The following VPS16 variants were observed in gnomAD, a reference collection of about 807,000 sequenced individuals.
The protein encoded by VPS16 is vacuolar protein sorting-associated protein 16 homolog.
A neutral mutation model predicts 116.0 loss-of-function variants in VPS16; 82 were observed. The ratio of observed to expected loss-of-function variants is 0.71; its 90% CI spans 0.59 to 0.85. The LOEUF is 0.85. VPS16 is among the 40% of genes least tolerant of loss of function. The probability of loss-of-function intolerance (pLI) is 0.00; values close to 1 mark genes in which losing one functional copy is unlikely to be tolerated. For synonymous variants in VPS16, 406 were observed against 420.7 expected, an observed-to-expected ratio of 0.96 and a Z score of 0.43; for missense variants, 928 against 1,090.6, an observed-to-expected ratio of 0.85 and a Z score of 2.10.
chr20:2,854,401 C>T (rs2089151875), intron 1 of VPS16, among the ~76,000 whole-genome samples: 1 of 151,696 alleles, frequency 6.6e-6, no homozygotes. Context: ...TGCACTCCAT[C>T]CTGGGCAACA....
chr20:2,840,835 G>GCGCC lies in VPS16; in HGVS notation c.53+9_53+10insGCCC. The GCGCC allele has an allele frequency of 2.5e-5, 38 of 1,523,730 alleles. No individual in the cohort carries two copies. Among genetic ancestry groups the GCGCC allele is most frequent in the Non-Finnish European group, 2.7e-5 (30 of 1,127,526 alleles). 94.4% of individuals were successfully genotyped at this position (1,523,730 alleles called of 1,614,324 possible). The stretch of plus-strand genomic sequence containing the variant: ...GGACTCTGCCTTTTACCGGTGAGCT[G>GCGCC]CCCCGCCCTCCCGCCCACGGCCTGG... On this transcript the variant is annotated intron_variant, in intron 1 of 23. Transcript: ENST00000380445.
At position 2,861,663 on chromosome 20, in the gene VPS16, A is replaced by G; in HGVS notation, c.858A>G (p.Glu286=). The G allele has an allele frequency of 6.2e-7, 1 of 1,613,300 alleles. No individual in the cohort carries two copies. Among genetic ancestry groups the G allele is most frequent in the Non-Finnish European group, 8.5e-7 (1 of 1,179,912 alleles). The change falls in exon 9 of 24, where the codon GAA becomes GAG. Residue 286 remains glutamate (E), a synonymous_variant. Transcript: ENST00000380445. ...AGAGGGCCGTGGTGGTGGCCTGGGA[A>G]AGGCGGCTGATGGTGGTGGGCGATG... ...SKERAVVVAW[E]RRLMVVGDAP...
rs780645285 is a variant in VPS16, at chr20:2,864,521, G to C, written c.1819-26G>C. On this transcript the variant is annotated intron_variant, in intron 18 of 23. Transcript: ENST00000380445. This position sits in a 1 kb window ranked among gnomAD's most constrained non-coding sequence, Gnocchi z 5.2. ...TCTGAGCACTTGAGTTGGCCTTGCTGACTGATTGCCTGCCTGTGGCCCCAG... is the reference window on the plus strand; with the variant it reads ...TCTGAGCACTTGAGTTGGCCTTGCTCACTGATTGCCTGCCTGTGGCCCCAG... 1.2e-6 allele frequency: 2 copies of C among 1,613,968 alleles called. No homozygotes were observed. The highest frequency in any genetic ancestry group is 2.7e-5 in the African/African-American group (2 of 74,914).
At chr20:2,850,805 A>C (rs1347427023) in intron 1 of VPS16, among the ~76,000 whole-genome samples, 1 of 75,730 alleles carries the variant, frequency 1.3e-5, no homozygotes, top group African/African-American at 4.4e-5. Context: ...CCATCTCTAC[A>C]AAAAAAAAAC....
intron 1 of VPS16, among the ~76,000 whole-genome samples, chr20:2,847,566 C>T (rs535535551): frequency 1.3e-5 from 2 of 151,798 alleles, no homozygotes; most frequent in South Asian, 2.1e-4. Flanking sequence ...GCAACCTCTG[C>T]CTTCCGGGTT....
At position 2,860,573 on chromosome 20, in the gene VPS16, G is replaced by A. The variant is rs775615420; in HGVS notation, c.494G>A (p.Arg165His). Residue 165 changes from arginine to histidine, a missense_variant, in exon 5 of 24, where the codon CGC becomes CAC. Physicochemically the swap from Arg to His is conservative, Grantham distance 29. Transcript: ENST00000380445. This position sits in a 1 kb window ranked among gnomAD's most constrained non-coding sequence, Gnocchi z 6.1. ...LSANVGDLKLRRMPEVPGLQS... is the reference protein window; with the variant it reads ...LSANVGDLKLHRMPEVPGLQS... ...GCCAATGTGGGTGACCTCAAACTCC[G>A]CCGGATGCCAGAGGTGCCAGGTAAG... 11 of 1,613,638 alleles carry A rather than the reference G, an allele frequency of 6.8e-6. No homozygotes were observed. The highest frequency in any genetic ancestry group is 6.7e-5 in the African/African-American group (5 of 74,890).
Position 2,863,812 on chromosome 20 carries a change from AAGAAGAAAGAG to A in VPS16, c.1477-132_1477-122del, listed in dbSNP as rs1263821653. The A allele has an allele frequency of 8.1e-6, 10 of 1,227,040 alleles. No individual in the cohort carries two copies. In the African/African-American group the frequency reaches 1.5e-4, roughly 19 times the overall value. 76.0% of individuals were successfully genotyped at this position (1,227,040 alleles called of 1,614,324 possible). A position where few individuals can be genotyped will look rare whatever the true frequency, so the allele number is the denominator to read the frequency against. ...GCGGAGGAGGAGGGAAAGAGAGAGAAAGAAGAAAGAGAGAAAGAAAGAAAGAAGAAGGAAGG... is the reference window on the plus strand; with the variant it reads ...GCGGAGGAGGAGGGAAAGAGAGAGAAAGAAAGAAAGAAAGAAGAAGGAAGG... On this transcript the variant is annotated intron_variant, in intron 15 of 23. Coordinates refer to ENST00000380445, the MANE Select transcript of VPS16 (RefSeq NM_022575.4). The surrounding 1 kb of genome is among the most constrained non-coding windows in gnomAD (Gnocchi z 4.4).
At chr20:2,842,381 C>T (rs1210488442) in intron 1 of VPS16, among the ~76,000 whole-genome samples, 1 of 151,844 alleles carries the variant, frequency 6.6e-6, no homozygotes, top group Non-Finnish European at 1.5e-5. Context: ...TTTGGGAGGC[C>T]AAGGTGGGTG....
At chr20:2,846,626 C>T (rs1465179475) in intron 1 of VPS16, among the ~76,000 whole-genome samples, 2 of 152,194 alleles carry the variant, frequency 1.3e-5, no homozygotes, top group Middle Eastern at 3.4e-3. Context: ...CTCTTTAGGG[C>T]CTGGGATTTG....
chr20:2,860,955 C>T lies in VPS16; in HGVS notation c.631-15C>T, dbSNP rs776955740. 5 of 1,614,118 alleles carry T rather than the reference C, an allele frequency of 3.1e-6. No individual in the cohort carries two copies. The highest frequency in any genetic ancestry group is 4.2e-6 in the Non-Finnish European group (5 of 1,180,034). On this transcript the variant is annotated splice_polypyrimidine_tract_variant and intron_variant, in intron 6 of 23. Coordinates refer to ENST00000380445, the MANE Select transcript of VPS16 (RefSeq NM_022575.4). This position sits in a 1 kb window ranked among gnomAD's most constrained non-coding sequence, Gnocchi z 6.1. The stretch of plus-strand genomic sequence containing the variant: ...AGTATGTATCTGTCCCACCCCTACC[C>T]TGGCTCTGCCTCAGACGCCCCCTGG...
chr20:2,840,912 C>G, intron 1 of VPS16, 85 bp downstream of exon 1: 9 of 1,309,426 alleles, frequency 6.9e-6, no homozygotes, highest in Non-Finnish European at 9.4e-6. Context: ...TCGCCCCTGT[C>G]ACTACTGGCG....
rs1263174585 is a variant in VPS16, at chr20:2,863,619, G to C, written c.1476+221G>C. On this transcript the variant is annotated intron_variant, in intron 15 of 23. Coordinates refer to ENST00000380445, the MANE Select transcript of VPS16 (RefSeq NM_022575.4). The surrounding 1 kb of genome is among the most constrained non-coding windows in gnomAD (Gnocchi z 4.4). ...CTCTACTAAAAATACAAAATTAGCC[G>C]GGCACGGTGGCGCATGCCTGTAATC... Among the ~76,000 whole-genome samples the C allele has an allele frequency of 1.3e-5, 2 of 152,212 alleles. No individual in the cohort carries two copies. The highest frequency in any genetic ancestry group is 4.2e-4 in the South Asian group (2 of 4,818).
At chr20:2,866,352 G>A (rs375802812) in intron 23 of VPS16, 37 bp downstream of exon 23, 5 of 1,613,990 alleles carry the variant, frequency 3.1e-6, no homozygotes, top group African/African-American at 1.3e-5. Flanking sequence ...CTGGGTGGCT[G>A]AGCTGTGGGC....
intron 1 of VPS16, among the ~76,000 whole-genome samples, chr20:2,852,818 A>T (rs2146653948): frequency 6.6e-6 from 1 of 152,332 alleles, no homozygotes; most frequent in African/African-American, 2.4e-5. Context: ...AGTGATGATG[A>T]CTACTAATTA....
chr20:2,866,394 G>A (rs2089346431), intron 23 of VPS16, 36 bp from the exon 24 acceptor site: 4 of 1,614,082 alleles, frequency 2.5e-6, no homozygotes, highest in Non-Finnish European at 2.5e-6. Flanking sequence ...CCCTTGAGCA[G>A]CCCCAACACC....
At chr20:2,849,138 C>A (rs143958537) in intron 1 of VPS16, among the ~76,000 whole-genome samples, 53 of 152,226 alleles carry the variant, frequency 3.5e-4, no homozygotes, top group Non-Finnish European at 6.3e-4. Flanking sequence ...AACCAGATAT[C>A]CCTCTTCCAA....
Position 2,863,019 on chromosome 20 carries a change from A to G in VPS16, c.1332-46A>G, listed in dbSNP as rs1325206335. The stretch of plus-strand genomic sequence containing the variant: ...GAGATGCGTCTGCAGGTACCTGGCA[A>G]GCGGGGCTTATTCTCCAACTGGATC... On this transcript the variant is annotated intron_variant, in intron 13 of 23. Transcript: ENST00000380445. This position sits in a 1 kb window ranked among gnomAD's most constrained non-coding sequence, Gnocchi z 4.4. The G allele has an allele frequency of 2.5e-6, 4 of 1,614,000 alleles. No homozygotes were observed. The highest frequency in any genetic ancestry group is 3.3e-4 in the Middle Eastern group (2 of 6,084).
chr20:2,866,549 C>G lies in VPS16; in HGVS notation c.2495C>G (p.Ala832Gly). Residue 832 changes from alanine (A) to glycine (G), a missense_variant, in exon 24 of 24, where the codon GCC (alanine) becomes GGC (glycine). By Grantham distance (60) the Ala-to-Gly change is moderately conservative (BLOSUM62 0). Transcript: ENST00000380445. Reference sequence around the variant, plus strand: ...GCCACAGCTGACAAGATTCAACGGGCCAGGGCACAAGCCCAGAAGAAGTGA... The same window carrying G: ...GCCACAGCTGACAAGATTCAACGGGGCAGGGCACAAGCCCAGAAGAAGTGA... ...DGATADKIQR[A>G]RAQAQKK 6.2e-7 allele frequency: 1 copy of G among 1,614,148 alleles called. No homozygotes were observed. The highest frequency in any genetic ancestry group is 8.5e-7 in the Non-Finnish European group (1 of 1,180,016).
chr20:2,859,582 C>CCCTCCCTACCT (rs878886002), intron 1 of VPS16, 137 bp from the exon 2 acceptor site: 12 of 1,005,428 alleles, frequency 1.2e-5, no homozygotes, highest in Middle Eastern at 2.2e-4. Flanking sequence ...CCTCCTCCCT[C>CCCTCCCTACCT]CCTCTGGGGG....
Sources: gnomAD v4.1 joint callset for allele counts (sites outside exome capture counted in the v4.1 genomes callset) on GRCh38, gnomAD v4.1.1 for gene constraint, Gnocchi (gnomAD v3.1) non-coding constraint, MANE v1.5 for transcripts, NCBI Gene and HGNC (gene_info 2026-07-23, HGNC 2026-07-21) for gene names.